The following ANGPT1 variants were observed in gnomAD, a reference collection of about 807,000 sequenced individuals.
ANGPT1 encodes the protein angiopoietin 1.
Under a neutral mutation model 62.2 loss-of-function variants are expected in ANGPT1, and 17 were observed. The observed-to-expected ratio is 0.27, with a 90% CI of 0.19 to 0.41. ANGPT1 has a LOEUF of 0.41. ANGPT1 is among the 10% of genes least tolerant of loss of function. The pLI is 1.00. For missense variants in ANGPT1, 478 were observed against 594.9 expected, an observed-to-expected ratio of 0.80 and a Z score of 2.04; for synonymous variants, 199 against 198.9, an observed-to-expected ratio of 1.00 and a Z score of 0.00.
intron 1 of ANGPT1, among the ~76,000 whole-genome samples, chr8:107,483,153 T>C (rs979914937): frequency 1.3e-5 from 2 of 152,196 alleles, no homozygotes; most frequent in African/African-American, 2.4e-5. Context: ...GGATACTATA[T>C]AGAGATAATT....
chr8:107,374,099 A>G (rs1452463764), intron 1 of ANGPT1, among the ~76,000 whole-genome samples: 1 of 152,140 alleles, frequency 6.6e-6, no homozygotes, highest in South Asian at 2.1e-4. Context: ...TCTTTTTTAT[A>G]TATGCTGCCT....
At chr8:107,353,804 C>T (rs1283651) in intron 1 of ANGPT1, among the ~76,000 whole-genome samples, 117,637 of 151,986 alleles carry the variant, frequency 0.77, 46,067 homozygotes, top group East Asian at 0.98. Flanking sequence ...AATAGAAACA[C>T]GTGAATGAGT....
intron 1 of ANGPT1, among the ~76,000 whole-genome samples, chr8:107,383,575 T>C (rs886285397): frequency 1.3e-5 from 2 of 152,144 alleles, no homozygotes; most frequent in African/African-American, 4.8e-5. Context: ...AGGTCTGAAT[T>C]ACTTTAGAGG....
intron 2 of ANGPT1, among the ~76,000 whole-genome samples, chr8:107,342,782 T>TACAC (rs751210643): frequency 0.03 from 4,158 of 138,516 alleles, 86 homozygotes; most frequent in Admixed American, 0.04. Flanking sequence ...AACTGCCTAA[T>TACAC]ACACACACAC....
intron 1 of ANGPT1, among the ~76,000 whole-genome samples, chr8:107,403,313 G>A (rs1324263082): frequency 2.0e-5 from 3 of 152,028 alleles, no homozygotes; most frequent in South Asian, 4.1e-4. Context: ...TTTGTTATTT[G>A]CGATGATTAG....
chr8:107,474,175 G>A (rs112361748), intron 1 of ANGPT1, among the ~76,000 whole-genome samples: 2,361 of 150,606 alleles, frequency 0.016, 56 homozygotes, highest in African/African-American at 0.051. Flanking sequence ...GAACATTGAT[G>A]CAAAAATCCT....
intron 1 of ANGPT1, among the ~76,000 whole-genome samples, chr8:107,443,226 A>C (rs1811524617): frequency 6.6e-6 from 1 of 152,188 alleles, no homozygotes; most frequent in African/African-American, 2.4e-5. Flanking sequence ...GTCAGGAACA[A>C]TACCTGCCTC....
intron 1 of ANGPT1, among the ~76,000 whole-genome samples, chr8:107,445,220 A>G (rs1811585759): frequency 1.3e-5 from 2 of 152,316 alleles, no homozygotes; most frequent in Admixed American, 1.3e-4. Flanking sequence ...AGATTATAAC[A>G]TATATCGGAT....
intron 1 of ANGPT1, among the ~76,000 whole-genome samples, chr8:107,485,434 C>T (rs1812790699): frequency 6.6e-6 from 1 of 152,098 alleles, no homozygotes; most frequent in African/African-American, 2.4e-5. Context: ...AGCTTAGAGC[C>T]TCCCTGTCTC....
At chr8:107,441,714 G>A (rs1811479978) in intron 1 of ANGPT1, among the ~76,000 whole-genome samples, 1 of 152,114 alleles carries the variant, frequency 6.6e-6, no homozygotes, top group Admixed American at 6.5e-5. Flanking sequence ...GACTAAATGA[G>A]ATTATACGTG....
At chr8:107,302,305 T>G (rs1245391349) in intron 5 of ANGPT1, among the ~76,000 whole-genome samples, 1 of 151,876 alleles carries the variant, frequency 6.6e-6, no homozygotes, top group Admixed American at 6.6e-5. Flanking sequence ...GGAGGACAGT[T>G]GTTTTATCCT....
intron 1 of ANGPT1, among the ~76,000 whole-genome samples, chr8:107,467,469 A>G (rs147551166): frequency 6.6e-6 from 1 of 152,218 alleles, no homozygotes; most frequent in Non-Finnish European, 1.5e-5. Flanking sequence ...ACAAAAGAGT[A>G]TGGATAAGAA....
At chr8:107,406,302 T>G (rs1316727222) in intron 1 of ANGPT1, among the ~76,000 whole-genome samples, 1 of 151,936 alleles carries the variant, frequency 6.6e-6, no homozygotes, top group African/African-American at 2.4e-5. Flanking sequence ...TCGGTTTCTT[T>G]CATTTTTTAA....
At chr8:107,480,104 GC>G (rs1812637906) in intron 1 of ANGPT1, among the ~76,000 whole-genome samples, 1 of 152,228 alleles carries the variant, frequency 6.6e-6, no homozygotes, top group Admixed American at 6.5e-5. Flanking sequence ...GTTTTTCAAT[GC>G]CTGTTATAGT....
intron 1 of ANGPT1, among the ~76,000 whole-genome samples, chr8:107,406,598 G>T (rs938564058): frequency 6.6e-6 from 1 of 151,950 alleles, no homozygotes; most frequent in Non-Finnish European, 1.5e-5. Flanking sequence ...TAAAATATAA[G>T]TATGTAGTCT....
intron 1 of ANGPT1, among the ~76,000 whole-genome samples, chr8:107,492,497 A>G (rs1812986622): frequency 6.6e-6 from 1 of 152,086 alleles, no homozygotes; most frequent in African/African-American, 2.4e-5. Flanking sequence ...CACCAGGCCC[A>G]GCTAAGTTTT....
intron 5 of ANGPT1, among the ~76,000 whole-genome samples, chr8:107,302,478 C>T (rs13264884): frequency 0.13 from 20,215 of 151,836 alleles, 1,606 homozygotes; most frequent in East Asian, 0.35. Context: ...TACTTATTGA[C>T]AGCATTTTAT....
At chr8:107,267,086 T>A (rs1813631580) in intron 7 of ANGPT1, among the ~76,000 whole-genome samples, 1 of 152,030 alleles carries the variant, frequency 6.6e-6, no homozygotes, top group South Asian at 2.1e-4. Context: ...AACACATTCT[T>A]ATAAAATTTT....
intron 1 of ANGPT1, among the ~76,000 whole-genome samples, chr8:107,353,536 T>C (rs1815976518): frequency 6.6e-6 from 1 of 152,194 alleles, no homozygotes; most frequent in African/African-American, 2.4e-5. Context: ...CTTTCTTTGC[T>C]GGACTCTGTT....
Sources: allele counts gnomAD v4.1 joint callset (sites outside exome capture counted in the v4.1 genomes callset), GRCh38; gene constraint gnomAD v4.1.1; transcripts MANE v1.5; gene names NCBI Gene and HGNC (gene_info 2026-07-23, HGNC 2026-07-21).